Variants in L3MBTL2 observed in about 807,000 individuals in gnomAD.
L3MBTL2 encodes the protein L3MBTL histone methyl-lysine binding protein 2.
Under a neutral mutation model 86.4 loss-of-function variants are expected in L3MBTL2, and 49 were observed. The observed-to-expected ratio is 0.57, with a 90% CI of 0.45 to 0.72. L3MBTL2 has a LOEUF of 0.72. L3MBTL2 is among the 30% of genes least tolerant of loss of function. L3MBTL2 has a pLI of 0.00. For synonymous variants in L3MBTL2, 336 were observed against 350.6 expected (o/e 0.96, Z 0.47); for missense variants, 755 against 923.7 (o/e 0.82, Z 2.37).
intron 2 of L3MBTL2, among the ~76,000 whole-genome samples, chr22:41,211,828 A>AT (rs1320692430): frequency 6.1e-4 from 76 of 124,512 alleles, no homozygotes; most frequent in African/African-American, 2.2e-3. Flanking sequence ...AAATGCTGGG[A>AT]TTACAGGCGT....
At position 41,221,238 on chromosome 22, in the gene L3MBTL2, T is replaced by G; in HGVS notation, c.893T>G (p.Met298Arg). The change falls in exon 8 of 17, where the codon ATG becomes AGG. Residue 298 changes from methionine (M) to arginine (R), a missense_variant. By Grantham distance (91) the Met-to-Arg change is moderately conservative. Around this residue, in one of 3 missense-constraint regions of L3MBTL2, gnomAD observed 634 missense variants for 748.9 expected, o/e 0.85. Coordinates refer to ENST00000216237, the MANE Select transcript of L3MBTL2 (RefSeq NM_031488.5). ...AKFTDWKGYL[M>R]KRLVGSRTLP... ...TTCACCGACTGGAAGGGCTACCTCATGAAACGGCTGGTGGGCTCCAGGACG... is the reference window on the plus strand; with the variant it reads ...TTCACCGACTGGAAGGGCTACCTCAGGAAACGGCTGGTGGGCTCCAGGACG... The G allele has an allele frequency of 6.4e-7, 1 of 1,551,564 alleles. No homozygotes were observed. The highest frequency in any genetic ancestry group is 8.7e-7 in the Non-Finnish European group (1 of 1,146,800).
chr22:41,213,505 T>C (rs2031086303), intron 2 of L3MBTL2: 1 of 152,218 alleles, frequency 6.6e-6, no homozygotes, highest in Non-Finnish European at 1.4e-5. Flanking sequence ...TTGCCCAGGA[T>C]GGTCTCAAAT....
At chr22:41,228,721 G>A (rs992944587) in intron 15 of L3MBTL2, among the ~76,000 whole-genome samples, 20 of 152,198 alleles carry the variant, frequency 1.3e-4, no homozygotes, top group African/African-American at 4.6e-4. Flanking sequence ...GTGGTGGCAG[G>A]CGCCTGTAAT....
chr22:41,230,458 A>C lies in L3MBTL2; in HGVS notation c.*207A>C, dbSNP rs575033107. ...TCTGCCCTCCCCTGTGGAAAGGTCTATATGACGGGCCGCCTGAGGCCCCAG... is the reference window on the plus strand; with the variant it reads ...TCTGCCCTCCCCTGTGGAAAGGTCTCTATGACGGGCCGCCTGAGGCCCCAG... On this transcript the variant is annotated 3_prime_UTR_variant, in exon 17 of 17. Coordinates refer to ENST00000216237, the MANE Select transcript of L3MBTL2 (RefSeq NM_031488.5). 3 of 539,988 alleles carry C rather than the reference A, an allele frequency of 5.6e-6. No homozygotes were observed. The highest frequency in any genetic ancestry group is 4.7e-4 in the Middle Eastern group (1 of 2,108). 33.4% of individuals were successfully genotyped at this position (539,988 alleles called of 1,614,324 possible). A position where few individuals can be genotyped will look rare whatever the true frequency, so the allele number is the denominator to read the frequency against.
At chr22:41,217,964 A>G (rs1318665219) in intron 5 of L3MBTL2, 1 of 152,234 alleles carries the variant, frequency 6.6e-6, no homozygotes, top group African/African-American at 2.4e-5. Context: ...TGGCTAATGA[A>G]GGTGCACCTC....
chr22:41,209,548 T>C (rs913213576), intron 1 of L3MBTL2, 148 bp from the exon 2 acceptor site: 13 of 675,026 alleles, frequency 1.9e-5, no homozygotes, highest in East Asian at 7.5e-5. Flanking sequence ...AATGTGTAAA[T>C]AGAAGTAATG....
chr22:41,219,478 C>T lies in L3MBTL2; in HGVS notation c.660C>T (p.Asn220=). The T allele has an allele frequency of 6.2e-7, 1 of 1,614,016 alleles. No homozygotes were observed. Among genetic ancestry groups the T allele is most frequent in the Non-Finnish European group, 8.5e-7 (1 of 1,179,914 alleles). ...VMKGMKVEVL[N]SDAVLPSRVY... ...AAGGGATGAAGGTGGAGGTGCTCAA[C>T]AGTGATGCTGTGCTCCCCAGCCGGG... Residue 220 remains asparagine, a synonymous_variant, in exon 6 of 17, where the codon AAC becomes AAT. Transcript: ENST00000216237.
At chr22:41,229,820 A>G in intron 16 of L3MBTL2, 164 bp downstream of exon 16, 2 of 1,190,590 alleles carry the variant, frequency 1.7e-6, no homozygotes, top group South Asian at 2.6e-5. Context: ...TTTCCCAGAC[A>G]CGCCCCCAAC....
At chr22:41,228,533 C>G (rs2032350285) in intron 15 of L3MBTL2, 1 of 985,256 alleles carries the variant, frequency 1.0e-6, no homozygotes, top group Admixed American at 6.1e-5. Context: ...GAAACAGAAA[C>G]AAGGTCCCTT....
At chr22:41,223,919 G>C in intron 8 of L3MBTL2, 101 bp from the exon 9 acceptor site, 1 of 906,726 alleles carries the variant, frequency 1.1e-6, no homozygotes, top group East Asian at 2.6e-5. Context: ...CTGAGTGTGG[G>C]GGATAACACC....
At position 41,224,850 on chromosome 22, in the gene L3MBTL2, C is replaced by T. The variant is rs1031101008; in HGVS notation, c.1251+49C>T. ...TTTCCCCTCAGCCATGGGTCCATTC[C>T]GGGCCTGAGGGACCTGGCTCTTCCC... On this transcript the variant is annotated intron_variant, in intron 10 of 16. Coordinates refer to ENST00000216237, the MANE Select transcript of L3MBTL2 (RefSeq NM_031488.5). This position sits in a 1 kb window ranked among gnomAD's most constrained non-coding sequence, Gnocchi z 4.9. 14 of 1,571,072 alleles carry T rather than the reference C, an allele frequency of 8.9e-6. No homozygotes were observed. Among genetic ancestry groups the T allele is most frequent in the Admixed American group, 1.7e-5 (1 of 59,860 alleles).
chr22:41,220,952 G>A, intron 7 of L3MBTL2, 84 bp downstream of exon 7: 1 of 1,458,782 alleles, frequency 6.9e-7, no homozygotes, highest in South Asian at 1.3e-5. Flanking sequence ...AGGTAGAATG[G>A]GAGTCCTCTG....
intron 1 of L3MBTL2, among the ~76,000 whole-genome samples, chr22:41,207,758 T>C (rs188898469): frequency 5.3e-5 from 8 of 152,046 alleles, no homozygotes; most frequent in African/African-American, 1.9e-4. Flanking sequence ...AGTGCAGCCT[T>C]GACCTCCCAG....
At chr22:41,228,035 G>C (rs894110357) in intron 15 of L3MBTL2, 166 bp downstream of exon 15, 1 of 985,268 alleles carries the variant, frequency 1.0e-6, no homozygotes, top group African/African-American at 1.7e-5. Context: ...TTGCCCTTTG[G>C]CCTACGGGCC....
rs946926561 is a variant in L3MBTL2 at position 41,231,237 on chromosome 22, CTG to C, written c.*993_*994del. On this transcript the variant is annotated 3_prime_UTR_variant, in exon 17 of 17. Transcript: ENST00000216237. The stretch of plus-strand genomic sequence containing the variant: ...GCAACCTCACTGGGCTCCCCAGACT[CTG>C]TGTGTGAGAAATTAAACCCCCTGCT... The C allele has an allele frequency of 3.9e-5, 6 of 152,228 alleles. No individual in the cohort carries two copies. Among genetic ancestry groups the C allele is most frequent in the Non-Finnish European group, 7.3e-5 (5 of 68,056 alleles). The allele number at this position is 152,228 out of a possible 1,614,324, so 9.4% of individuals were successfully genotyped here. A position where few individuals can be genotyped will look rare whatever the true frequency, so the allele number is the denominator to read the frequency against.
At position 41,227,973 on chromosome 22, in the gene L3MBTL2, T is replaced by C; in HGVS notation, c.1888+104T>C. The C allele has an allele frequency of 3.3e-6, 5 of 1,514,076 alleles. No homozygotes were observed. The highest frequency in any genetic ancestry group is 4.4e-6 in the Non-Finnish European group (5 of 1,130,056). 93.8% of individuals were successfully genotyped at this position (1,514,076 alleles called of 1,614,324 possible). ...CAGCCCCCAGGCACTGGTTCCCAGGTGCTGTCCTACTGACGTAGCTCTCTT... is the reference window on the plus strand; with the variant it reads ...CAGCCCCCAGGCACTGGTTCCCAGGCGCTGTCCTACTGACGTAGCTCTCTT... On this transcript the variant is annotated intron_variant, in intron 15 of 16. Transcript: ENST00000216237. The surrounding 1 kb of genome is among the most constrained non-coding windows in gnomAD (Gnocchi z 6.0).
intron 12 of L3MBTL2, 77 bp downstream of exon 12, chr22:41,226,018 T>C (rs2032160090): frequency 6.6e-7 from 1 of 1,519,684 alleles, no homozygotes; most frequent in Admixed American, 1.8e-5. Flanking sequence ...GGCTCCCGCC[T>C]GTAATCCTAG....
At chr22:41,207,228 C>T (rs1349401948) in intron 1 of L3MBTL2, among the ~76,000 whole-genome samples, 1 of 151,138 alleles carries the variant, frequency 6.6e-6, no homozygotes, top group Admixed American at 6.6e-5. Context: ...TTACTTCTCC[C>T]CCAAATCCTT....
chr22:41,211,706 G>T (rs1173257769), intron 2 of L3MBTL2, among the ~76,000 whole-genome samples: 20 of 127,300 alleles, frequency 1.6e-4, no homozygotes, highest in South Asian at 2.5e-4. Flanking sequence ...ACAGGCGCCT[G>T]CCACCACACC....
Sources: gnomAD v4.1 joint callset for allele counts (sites outside exome capture counted in the v4.1 genomes callset) on GRCh38, gnomAD v4.1.1 for gene constraint, gnomAD v4.1.1 regional missense constraint, Gnocchi (gnomAD v3.1) non-coding constraint, MANE v1.5 for transcripts, NCBI Gene and HGNC (gene_info 2026-07-23, HGNC 2026-07-21) for gene names.